ABCC9: variants seen among roughly 807,000 people sequenced by gnomAD.
ABCC9 encodes ATP binding cassette subfamily C member 9.
ABCC9 carries 95 observed loss-of-function variants against 188.3 expected under a neutral mutation model. The ratio of observed to expected loss-of-function variants is 0.50; its 90% CI spans 0.43 to 0.60. The LOEUF is 0.60. Ranked by LOEUF, ABCC9 falls within the 20% of genes least tolerant of loss-of-function variation. The pLI is 0.00. For missense variants in ABCC9, 1,102 were observed against 1,876.3 expected, an observed-to-expected ratio of 0.59 and a Z score of 7.62; for synonymous variants, 659 against 652.7, an observed-to-expected ratio of 1.01 and a Z score of -0.15.
Position 21,815,823 on chromosome 12 carries a change from A to G in ABCC9, c.3963T>C (p.Tyr1321=), listed in dbSNP as rs2137174129. The change falls in exon 34 of 40, where the codon TAT becomes TAC. Residue 1321 remains tyrosine, a synonymous_variant. Coordinates refer to ENST00000261200, the MANE Select transcript of ABCC9 (RefSeq NM_020297.4). ...TAAGAACAGGTTTCAGATTATTTTC[A>G]TATCTGACACACAGATCATGTATCT... The part of the protein sequence containing the change: ...EIKIHDLCVR[Y]ENNLKPVLKH... 1 of 1,613,048 alleles carries G rather than the reference A, an allele frequency of 6.2e-7. No individual in the cohort carries two copies. The highest frequency in any genetic ancestry group is 8.5e-7 in the Non-Finnish European group (1 of 1,179,306).
At chr12:21,876,813 T>C (rs1946373985) in intron 16 of ABCC9, among the ~76,000 whole-genome samples, 1 of 152,210 alleles carries the variant, frequency 6.6e-6, no homozygotes, top group Admixed American at 6.5e-5. Context: ...ACACTGTTGT[T>C]TAGGAATTTT....
chr12:21,859,839 TTC>T, intron 21 of ABCC9, among the ~76,000 whole-genome samples, 173 bp from the exon 22 acceptor site: 1 of 152,290 alleles, frequency 6.6e-6, no homozygotes, highest in Non-Finnish European at 1.5e-5. Context: ...TGGCCAACAG[TTC>T]TCAAAATAAT....
chr12:21,914,158 G>A (rs1948438666), intron 7 of ABCC9, among the ~76,000 whole-genome samples: 1 of 152,024 alleles, frequency 6.6e-6, no homozygotes, highest in Non-Finnish European at 1.5e-5. Flanking sequence ...TACCATAAAT[G>A]TTTCATTGAT....
chr12:21,880,399 T>C (rs568495163), intron 16 of ABCC9, among the ~76,000 whole-genome samples: 1 of 152,238 alleles, frequency 6.6e-6, no homozygotes, highest in African/African-American at 2.4e-5. Flanking sequence ...TATCCTAGAC[T>C]ATATTAAAAT....
chr12:21,851,702 T>A (rs1944973692), intron 24 of ABCC9, among the ~76,000 whole-genome samples: 1 of 152,190 alleles, frequency 6.6e-6, no homozygotes, highest in Non-Finnish European at 1.5e-5. Context: ...GACTTTCCAA[T>A]GACCCTCTAT....
rs778634668 is a variant in ABCC9, at chr12:21,814,653, T to C, written c.4093A>G (p.Ile1365Val). 3.8e-5 allele frequency: 62 copies of C among 1,613,812 alleles called. No individual in the cohort carries two copies. In the East Asian group the frequency reaches 1.2e-3, roughly 32 times the overall value. Residue 1365 changes from isoleucine to valine, a missense_variant, in exon 35 of 40, where the codon ATA (isoleucine) becomes GTA (valine). Physicochemically the swap from Ile to Val is conservative, Grantham distance 29 (BLOSUM62 3). Transcript: ENST00000261200. ...TTAGTTAGCAACTCACCATCAAATA[T>C]ATCAACCATTCTGAAGAAAGCCAGA... ...LSLAFFRMVD[I>V]FDGKIVIDGI...
chr12:21,814,066 C>T (rs574407813), intron 35 of ABCC9, among the ~76,000 whole-genome samples: 14 of 152,214 alleles, frequency 9.2e-5, no homozygotes, highest in Admixed American at 5.9e-4. Context: ...GTTATTTCTA[C>T]GCTCTTGTGT....
intron 27 of ABCC9, 72 bp from the exon 28 acceptor site, chr12:21,844,624 C>G: frequency 2.6e-6 from 4 of 1,553,702 alleles, no homozygotes; most frequent in Non-Finnish European, 3.6e-6. Flanking sequence ...TAATGGGCAT[C>G]TTAGTGTCAT....
At position 21,906,297 on chromosome 12, in the gene ABCC9, CA is replaced by C. The variant is rs763459861; in HGVS notation, c.1456-10del. 25 of 1,602,642 alleles carry C rather than the reference CA, an allele frequency of 1.6e-5. No homozygotes were observed. In the African/African-American group the frequency reaches 2.7e-4, roughly 17 times the overall value. On this transcript the variant is annotated splice_polypyrimidine_tract_variant and intron_variant, in intron 11 of 39. Coordinates refer to ENST00000261200, the MANE Select transcript of ABCC9 (RefSeq NM_020297.4). ...CTCTCAGTGGAATAATCCTATAAAA[CA>C]AAGGAAGAAAAATAATACCAGCTGC...
chr12:21,873,738 G>C (rs570124459), intron 17 of ABCC9, among the ~76,000 whole-genome samples: 1 of 152,110 alleles, frequency 6.6e-6, no homozygotes, highest in East Asian at 1.9e-4. Context: ...TGGAACAGAA[G>C]GGAGAGACCA....
intron 33 of ABCC9, among the ~76,000 whole-genome samples, chr12:21,816,335 C>T (rs1942645195): frequency 6.6e-6 from 1 of 152,020 alleles, no homozygotes; most frequent in African/African-American, 2.4e-5. Flanking sequence ...AAAGACACAG[C>T]TCAAGGTGCT....
At position 21,817,089 on chromosome 12, in the gene ABCC9, A is replaced by G. The variant is rs1942696190; in HGVS notation, c.3892+98T>C. 1.9e-5 allele frequency: 25 copies of G among 1,350,744 alleles called. No homozygotes were observed. The South Asian group carries it at 2.9e-4, about 15-fold the overall frequency. 83.7% of individuals were successfully genotyped at this position (1,350,744 alleles called of 1,614,324 possible). ...TATGAGAGAGTTTTCTGGATACTGAAGTGGAAAGCAAAAGCAGAAACAACA... is the reference window on the plus strand; with the variant it reads ...TATGAGAGAGTTTTCTGGATACTGAGGTGGAAAGCAAAAGCAGAAACAACA... On this transcript the variant is annotated intron_variant, in intron 33 of 39. Coordinates refer to ENST00000261200, the MANE Select transcript of ABCC9 (RefSeq NM_020297.4).
At chr12:21,808,069 A>G (rs1019363102) in intron 37 of ABCC9, among the ~76,000 whole-genome samples, 5 of 151,932 alleles carry the variant, frequency 3.3e-5, no homozygotes, top group Non-Finnish European at 5.9e-5. Context: ...GTTTCCATCT[A>G]CATTTCATAA....
At chr12:21,913,861 G>GCAAC (rs1948428624) in intron 7 of ABCC9, among the ~76,000 whole-genome samples, 1 of 152,110 alleles carries the variant, frequency 6.6e-6, no homozygotes, top group Non-Finnish European at 1.5e-5. Flanking sequence ...TGTTCCCTAT[G>GCAAC]CAACCCCCTG....
At chr12:21,837,321 G>T (rs1944154492) in intron 30 of ABCC9, among the ~76,000 whole-genome samples, 1 of 152,100 alleles carries the variant, frequency 6.6e-6, no homozygotes, top group Non-Finnish European at 1.5e-5. Flanking sequence ...GTGGATAGTT[G>T]TCTCTCTATA....
intron 31 of ABCC9, among the ~76,000 whole-genome samples, chr12:21,826,316 G>T (rs2137254429): frequency 6.6e-6 from 1 of 152,036 alleles, no homozygotes; most frequent in Non-Finnish European, 1.5e-5. Flanking sequence ...CAGCTGTGGG[G>T]TGTAGAGAAC....
At chr12:21,842,984 A>G (rs191423827) in intron 28 of ABCC9, among the ~76,000 whole-genome samples, 1 of 152,166 alleles carries the variant, frequency 6.6e-6, no homozygotes, top group Admixed American at 6.5e-5. Context: ...AATATTTGCA[A>G]ATTTTTGTTC....
At chr12:21,864,949 A>G (rs1211030800) in intron 18 of ABCC9, among the ~76,000 whole-genome samples, 1 of 152,172 alleles carries the variant, frequency 6.6e-6, no homozygotes, top group Non-Finnish European at 1.5e-5. Flanking sequence ...TACACAAAAC[A>G]CACTGGCCCC....
chr12:21,874,260 C>G (rs1264733742), intron 17 of ABCC9, among the ~76,000 whole-genome samples: 2 of 152,044 alleles, frequency 1.3e-5, no homozygotes, highest in Non-Finnish European at 2.9e-5. Flanking sequence ...AAATGGCATT[C>G]AACAACACTA....
Sources: allele counts gnomAD v4.1 joint callset (sites outside exome capture counted in the v4.1 genomes callset), GRCh38; gene constraint gnomAD v4.1.1; transcripts MANE v1.5; gene names NCBI Gene and HGNC (gene_info 2026-07-23, HGNC 2026-07-21).